The following GJB2 variants were observed in gnomAD, a reference collection of about 807,000 sequenced individuals.
The protein encoded by GJB2 is gap junction protein beta 2.
GJB2 carries 30 observed loss-of-function variants against 16.0 expected under a neutral mutation model. That is an observed-to-expected ratio of 1.88 (90% CI 1.41 to 2.55). The LOEUF is 2.55. Among genes scored for constraint, GJB2 ranks in the 30% most tolerant of loss-of-function variants. GJB2 has a pLI of 0.00. For synonymous variants in GJB2, 123 were observed against 119.1 expected, an observed-to-expected ratio of 1.03 and a Z score of -0.21; for missense variants, 284 against 289.7, an observed-to-expected ratio of 0.98 and a Z score of 0.14.
chr13:20,188,891 G>A lies in GJB2; in HGVS notation c.*10C>T. ...CTGTCTATTTCTTAATCTAACAACTGGGCAATGCGTTAAACTGGCTTTTTT... is the reference window on the plus strand; with the variant it reads ...CTGTCTATTTCTTAATCTAACAACTAGGCAATGCGTTAAACTGGCTTTTTT... On this transcript the variant is annotated 3_prime_UTR_variant, in exon 2 of 2. Transcript: ENST00000382848. The A allele has an allele frequency of 1.2e-6, 2 of 1,603,960 alleles. No homozygotes were observed. The highest frequency in any genetic ancestry group is 1.7e-6 in the Non-Finnish European group (2 of 1,171,716).
At position 20,189,104 on chromosome 13, in the gene GJB2, C is replaced by T. The variant is rs34988750; in HGVS notation, c.478G>A (p.Gly160Ser). The T allele has an allele frequency of 7.0e-4, 1,129 of 1,614,054 alleles. 1 individual carries two copies. Among genetic ancestry groups the T allele is most frequent in the Middle Eastern group, 2.6e-3 (16 of 6,062 alleles). The change falls in exon 2 of 2, where the codon GGC (glycine) becomes AGC (serine). Residue 160 changes from glycine (G) to serine (S), a missense_variant. Transcript: ENST00000382848. ...TTCACCAGCCGCTGCATGGAGAAGC[C>T]GTCGTACATGACATAGAAGACGTAC... ...FMYVFYVMYD[G>S]FSMQRLVKCN...
At chr13:20,189,670 G>T in intron 1 of GJB2, 67 bp from the exon 2 acceptor site, 3 of 1,208,150 alleles carry the variant, frequency 2.5e-6, no homozygotes, top group Non-Finnish European at 3.7e-6. Context: ...ACTTCTCTGA[G>T]TCTGGGTAAG....
intron 1 of GJB2, among the ~76,000 whole-genome samples, chr13:20,190,609 G>A (rs758214366): frequency 2.6e-5 from 4 of 152,304 alleles, no homozygotes; most frequent in East Asian, 1.9e-4. Context: ...TACTGCAAGC[G>A]GATGTGGAGA....
rs1036073348 is a variant in GJB2, at chr13:20,188,954, A to G, written c.628T>C (p.Leu210=). The change falls in exon 2 of 2, where the codon TTG becomes CTG. Residue 210 remains leucine, a synonymous_variant. Transcript: ENST00000382848. ...CAATATCTAATTAGCAAATAACACA[A>G]TTCAGTGACATTCAGCAGGATGCAA... ...GICILLNVTE[L]CYLLIRYCSG... is the part of the protein sequence containing the mutation. 4 of 1,613,816 alleles carry G rather than the reference A, an allele frequency of 2.5e-6. No homozygotes were observed. Among genetic ancestry groups the G allele is most frequent in the African/African-American group, 1.3e-5 (1 of 74,932 alleles).
rs1868386360 is a variant in GJB2 at position 20,192,752 on chromosome 13, TGGCCGGGCAGTCCGGGGCC to T, written c.-23+12_-23+30del. ...GCGGTCCCTCCCCGCGCCAGGTTCC[TGGCCGGGCAGTCCGGGGCC>T]GGCGGGCTCACCTGCGTCGGGAGGA... is the stretch of plus-strand genomic sequence containing the variant. On this transcript the variant is annotated intron_variant, in intron 1 of 1. Coordinates refer to ENST00000382848, the MANE Select transcript of GJB2 (RefSeq NM_004004.6). 1 of 152,492 alleles carries T rather than the reference TGGCCGGGCAGTCCGGGGCC, an allele frequency of 6.6e-6. No individual in the cohort carries two copies. Among genetic ancestry groups the T allele is most frequent in the African/African-American group, 2.4e-5 (1 of 41,444 alleles). 9.4% of individuals were successfully genotyped at this position (152,492 alleles called of 1,614,324 possible).
At position 20,189,179 on chromosome 13, in the gene GJB2, TC is replaced by T. The variant is rs1195692356; in HGVS notation, c.402del (p.Trp134Ter). 6.2e-7 allele frequency: 1 copy of T among 1,614,036 alleles called. No individual in the cohort carries two copies. Among genetic ancestry groups the T allele is most frequent in the Admixed American group, 1.7e-5 (1 of 60,022 alleles). On this transcript the variant is annotated frameshift_variant, in exon 2 of 2. Transcript: ENST00000382848. LOFTEE classifies it high-confidence loss of function. ...QKVRIEGSLWWTYTSSIFFRV... is the reference protein window; with the variant it reads ...QKVRIEGSLWXTYTSSIFFRV... The stretch of plus-strand genomic sequence containing the variant: ...CGGAAGAAGATGCTGCTTGTGTAGG[TC>T]CACCACAGGGAGCCTTCGATGCGGA...
chr13:20,190,431 G>C (rs1959069881), intron 1 of GJB2, among the ~76,000 whole-genome samples: 1 of 152,228 alleles, frequency 6.6e-6, no homozygotes, highest in African/African-American at 2.4e-5. Context: ...GATAAGTGCT[G>C]CAACAGTGCA....
Position 20,188,989 on chromosome 13 carries a change from A to G in GJB2, c.593T>C (p.Val198Ala), listed in dbSNP as rs747353660. The G allele has an allele frequency of 3.1e-6, 5 of 1,613,852 alleles. No homozygotes were observed. The highest frequency in any genetic ancestry group is 4.2e-6 in the Non-Finnish European group (5 of 1,179,882). The change falls in exon 2 of 2, where the codon GTG (valine) becomes GCG (alanine). Residue 198 changes from valine to alanine, a missense_variant. Physicochemically the swap from Val to Ala is moderately conservative, Grantham distance 64 (BLOSUM62 0). Coordinates refer to ENST00000382848, the MANE Select transcript of GJB2 (RefSeq NM_004004.6). ...ATTCAGCAGGATGCAAATTCCAGAC[A>G]CTGCAATCATGAACACTGTGAAGAC... ...KTVFTVFMIAVSGICILLNVT... is the reference protein window; with the variant it reads ...KTVFTVFMIAASGICILLNVT...
chr13:20,189,859 C>T (rs1017043532), intron 1 of GJB2: 21 of 520,234 alleles, frequency 4.0e-5, no homozygotes, highest in African/African-American at 3.7e-4. Context: ...AGTAATTCAC[C>T]CAATCTTTAA....
intron 1 of GJB2, among the ~76,000 whole-genome samples, chr13:20,190,151 C>G (rs1959068303): frequency 6.6e-6 from 1 of 152,250 alleles, no homozygotes; most frequent in Non-Finnish European, 1.5e-5. Flanking sequence ...CTCTGCTGAG[C>G]CACTTTCCTT....
At position 20,189,263 on chromosome 13, in the gene GJB2, T is replaced by G. The variant is rs988776939; in HGVS notation, c.319A>C (p.Ile107Leu). ...YRRHEKKRKF[I>L]KGEIKSEFKD... ...AATTCACTCTTTATCTCCCCCTTGA[T>G]GAACTTCCTCTTCTTCTCATGTCTC... Residue 107 changes from isoleucine (I) to leucine (L), a missense_variant, in exon 2 of 2, where the codon ATC becomes CTC. By Grantham distance (5) the Ile-to-Leu change is conservative. Transcript: ENST00000382848. The G allele has an allele frequency of 6.2e-7, 1 of 1,613,222 alleles. No homozygotes were observed. Among genetic ancestry groups the G allele is most frequent in the East Asian group, 2.2e-5 (1 of 44,886 alleles).
At chr13:20,191,003 T>G (rs1959073274) in intron 1 of GJB2, among the ~76,000 whole-genome samples, 1 of 152,114 alleles carries the variant, frequency 6.6e-6, no homozygotes, top group South Asian at 2.1e-4. Flanking sequence ...CCACGAAAGT[T>G]ACATCAGATT....
At position 20,191,467 on chromosome 13, in the gene GJB2, A is replaced by C. The variant is rs527450852; in HGVS notation, c.-23+1316T>G. Among the ~76,000 whole-genome samples, 10 of 152,262 alleles carry C rather than the reference A, an allele frequency of 6.6e-5. No individual in the cohort carries two copies. The South Asian group carries it at 2.1e-3, about 32-fold the overall frequency. Reference sequence around the variant, plus strand: ...AAAATACAGTTCCGAGAAACCCTATATTGTTATTTTATAAAGCTTGAGTTG... The same window carrying C: ...AAAATACAGTTCCGAGAAACCCTATCTTGTTATTTTATAAAGCTTGAGTTG... On this transcript the variant is annotated intron_variant, in intron 1 of 1. Coordinates refer to ENST00000382848, the MANE Select transcript of GJB2 (RefSeq NM_004004.6).
chr13:20,188,903 A>C lies in GJB2; in HGVS notation c.679T>G (p.Ter227GluextTer8). The change falls in exon 2 of 2, where the codon TAA becomes GAA. Residue 227 changes from the stop codon to glutamate, a stop_lost. Transcript: ENST00000382848. ...YCSGKSKKPV[*>E] ...TAATCTAACAACTGGGCAATGCGTT[A>C]AACTGGCTTTTTTGACTTCCCAGAA... is the stretch of plus-strand genomic sequence containing the variant. 6.2e-7 allele frequency: 1 copy of C among 1,611,970 alleles called. No homozygotes were observed. Among genetic ancestry groups the C allele is most frequent in the East Asian group, 2.2e-5 (1 of 44,882 alleles).
chr13:20,192,843 C>T lies in GJB2; in HGVS notation c.-83G>A, dbSNP rs1868395346. ...GGGTCTCGGCGTTGGGGTCTCTGCG[C>T]TGGGGCTCCTGCGCTCCTAGGCGGG... On this transcript the variant is annotated 5_prime_UTR_variant, in exon 1 of 2. Coordinates refer to ENST00000382848, the MANE Select transcript of GJB2 (RefSeq NM_004004.6). The T allele has an allele frequency of 6.5e-6, 1 of 153,070 alleles. No individual in the cohort carries two copies. Among genetic ancestry groups the T allele is most frequent in the Non-Finnish European group, 1.5e-5 (1 of 68,380 alleles). 9.5% of individuals were successfully genotyped at this position (153,070 alleles called of 1,614,324 possible).
chr13:20,191,646 C>T (rs1186317642), intron 1 of GJB2, among the ~76,000 whole-genome samples: 1 of 152,162 alleles, frequency 6.6e-6, no homozygotes, highest in African/African-American at 2.4e-5. Context: ...CTCCTGGCCT[C>T]CCGACCCTGG....
intron 1 of GJB2, among the ~76,000 whole-genome samples, chr13:20,192,468 A>G (rs1868374258): frequency 6.6e-6 from 1 of 152,184 alleles, no homozygotes; most frequent in African/African-American, 2.4e-5. Context: ...AGTACCCCGA[A>G]GGGACATCGG....
At chr13:20,191,972 AGGCAGTCCCAG>A (rs1286403206) in intron 1 of GJB2, among the ~76,000 whole-genome samples, 1 of 152,196 alleles carries the variant, frequency 6.6e-6, no homozygotes, top group East Asian at 1.9e-4. Flanking sequence ...ACGCTTCTCA[AGGCAGTCCCAG>A]GTGCATGGCC....
intron 1 of GJB2, among the ~76,000 whole-genome samples, chr13:20,191,015 A>C (rs1000051859): frequency 1.3e-5 from 2 of 152,194 alleles, no homozygotes; most frequent in African/African-American, 4.8e-5. Context: ...CATCAGATTG[A>C]CATAGGCCTG....
Sources: allele counts gnomAD v4.1 joint callset (sites outside exome capture counted in the v4.1 genomes callset), GRCh38; gene constraint gnomAD v4.1.1; transcripts MANE v1.5; gene names NCBI Gene and HGNC (gene_info 2026-07-23, HGNC 2026-07-21).